RASGRF1: variants seen among roughly 807,000 people sequenced by gnomAD.
RASGRF1 encodes ras-specific guanine nucleotide-releasing factor 1.
A neutral mutation model predicts 138.7 loss-of-function variants in RASGRF1; 40 were observed. That is an observed-to-expected ratio of 0.29 (90% CI 0.22 to 0.38). RASGRF1 has a LOEUF of 0.38. RASGRF1 is among the 10% of genes least tolerant of loss of function. RASGRF1 has a pLI of 1.00. For missense variants in RASGRF1, 1,108 were observed against 1,650.4 expected (o/e 0.67, Z 5.69); for synonymous variants, 614 against 663.2 (o/e 0.93, Z 1.14).
chr15:79,084,469 A>T (rs1351759577), intron 1 of RASGRF1, among the ~76,000 whole-genome samples: 4 of 152,194 alleles, frequency 2.6e-5, no homozygotes, highest in Non-Finnish European at 5.9e-5. Flanking sequence ...CACTATTCTC[A>T]GCCAGCCTGC....
chr15:79,008,488 T>C (rs2056730153), intron 13 of RASGRF1, among the ~76,000 whole-genome samples: 1 of 152,228 alleles, frequency 6.6e-6, no homozygotes, highest in Non-Finnish European at 1.5e-5. Context: ...CCACCAAGAT[T>C]CAGGAAAGTA....
intron 12 of RASGRF1, among the ~76,000 whole-genome samples, chr15:79,016,702 G>A (rs1202975978): frequency 6.6e-6 from 1 of 152,226 alleles, no homozygotes; most frequent in African/African-American, 2.4e-5. Context: ...CACGTGCCAT[G>A]CATCATCCCA....
intron 11 of RASGRF1, 152 bp from the exon 12 acceptor site, chr15:79,018,058 C>CACTTAGGAAAA: frequency 9.6e-7 from 1 of 1,043,576 alleles, no homozygotes; most frequent in Non-Finnish European, 1.4e-6. Flanking sequence ...TATTATTTTC[C>CACTTAGGAAAA]TAAGTGGGAA....
chr15:79,006,430 C>A lies in RASGRF1; in HGVS notation c.1831G>T (p.Asp611Tyr). The A allele has an allele frequency of 1.2e-6, 2 of 1,610,454 alleles. No homozygotes were observed. Among genetic ancestry groups the A allele is most frequent in the South Asian group, 2.2e-5 (2 of 91,012 alleles). The change falls in exon 14 of 27, where the codon GAC (aspartate) becomes TAC (tyrosine). Residue 611 changes from aspartate to tyrosine, a missense_variant. This residue lies in a region of RASGRF1 where 686 missense variants were observed against 976.7 expected (regional missense o/e 0.70). Transcript: ENST00000558480. The surrounding 1 kb of genome is among the most constrained non-coding windows in gnomAD (Gnocchi z 4.0). ...KVTVPQMIKSDASLYCDDVDI... is the reference protein window; with the variant it reads ...KVTVPQMIKSYASLYCDDVDI... ...ACATCATCACAATATAAGGAGGCGT[C>A]GGACCTGAGAGGGGAGGAAGGATGC...
chr15:79,088,480 C>T (rs4778634), intron 1 of RASGRF1, among the ~76,000 whole-genome samples: 64,322 of 152,068 alleles, frequency 0.42, 13,850 homozygotes, highest in East Asian at 0.5. Context: ...GTCACACAGC[C>T]AGGAAGTCAT....
intron 16 of RASGRF1, among the ~76,000 whole-genome samples, chr15:79,000,434 G>A (rs1444072968): frequency 6.6e-6 from 1 of 152,134 alleles, no homozygotes; most frequent in East Asian, 1.9e-4. Context: ...GTGTGACCTT[G>A]GGTAAGTCAT....
At chr15:79,084,950 A>G (rs1411425262) in intron 1 of RASGRF1, among the ~76,000 whole-genome samples, 2 of 152,046 alleles carry the variant, frequency 1.3e-5, no homozygotes, top group Admixed American at 6.6e-5. Flanking sequence ...TTTTAATCGT[A>G]AAGACCCCGT....
intron 24 of RASGRF1, chr15:78,978,525 C>T (rs752422376): frequency 2.0e-5 from 20 of 985,588 alleles, no homozygotes; most frequent in South Asian, 4.7e-5. Flanking sequence ...GTGCCTAGCC[C>T]GAATTGGATA....
chr15:79,085,960 A>C (rs1175416892), intron 1 of RASGRF1, among the ~76,000 whole-genome samples: 3 of 152,196 alleles, frequency 2.0e-5, no homozygotes, highest in African/African-American at 7.2e-5. Context: ...CATAGGCGCA[A>C]GGAGCCGATA....
intron 14 of RASGRF1, chr15:79,005,073 G>T (rs2056640316): frequency 2.0e-6 from 2 of 985,450 alleles, no homozygotes; most frequent in Non-Finnish European, 1.2e-6. Context: ...CTTTTAGGGG[G>T]TAAATCCATC....
chr15:78,979,239 G>T, intron 24 of RASGRF1: 1 of 1,207,142 alleles, frequency 8.3e-7, no homozygotes, highest in Non-Finnish European at 1.1e-6. Flanking sequence ...GATGGTCAAG[G>T]CGATGGCACA....
At chr15:79,012,705 C>T (rs1030358273) in intron 13 of RASGRF1, among the ~76,000 whole-genome samples, 1 of 151,958 alleles carries the variant, frequency 6.6e-6, no homozygotes, top group African/African-American at 2.4e-5. Flanking sequence ...TTTTTTGAGA[C>T]AGAGTTTCAC....
intron 19 of RASGRF1, among the ~76,000 whole-genome samples, chr15:78,996,216 C>T (rs1192420502): frequency 2.0e-5 from 3 of 152,182 alleles, no homozygotes; most frequent in Non-Finnish European, 2.9e-5. Context: ...GAGGCAGCAG[C>T]ATGGCAGCCA....
Position 78,990,003 on chromosome 15 carries a change from A to G in RASGRF1, c.3216+186T>C, listed in dbSNP as rs538847721. 5 of 618,014 alleles carry G rather than the reference A, an allele frequency of 8.1e-6. No individual in the cohort carries two copies. The East Asian group carries it at 1.4e-4, about 17-fold the overall frequency. The allele number at this position is 618,014 out of a possible 1,614,324, so 38.3% of individuals were successfully genotyped here. ...GACTGTTCCATGGTCAGCCCCACTT[A>G]ATAGGAGAAGAGACTGAGACTGAGG... On this transcript the variant is annotated intron_variant, in intron 22 of 26. Coordinates refer to ENST00000558480, the MANE Select transcript of RASGRF1 (RefSeq NM_001145648.3).
intron 20 of RASGRF1, among the ~76,000 whole-genome samples, chr15:78,993,267 G>A (rs112844444): frequency 0.023 from 2,076 of 88,718 alleles, 14 homozygotes; most frequent in Middle Eastern, 0.034. Context: ...GTGGTGTGGT[G>A]TGTGTGGTGT....
intron 13 of RASGRF1, among the ~76,000 whole-genome samples, chr15:79,014,917 AAAAAAACAAAAAAC>A (rs765048596): frequency 5.6e-5 from 4 of 71,042 alleles, no homozygotes; most frequent in Admixed American, 1.5e-4. Context: ...ACTTGGTCTC[AAAAAAACAAAAAAC>A]AAAAAACAAA....
In RASGRF1 at chr15:78,961,379, G is replaced by A. The variant is rs2055540784; in HGVS notation, c.*765C>T. On this transcript the variant is annotated 3_prime_UTR_variant, in exon 27 of 27. Coordinates refer to ENST00000558480, the MANE Select transcript of RASGRF1 (RefSeq NM_001145648.3). Reference sequence around the variant, plus strand: ...GTGTTCCCGACTTTCAGTGGATGCTGGGCCAGTGGTCGGCAAGAGTCGACG... The same window carrying A: ...GTGTTCCCGACTTTCAGTGGATGCTAGGCCAGTGGTCGGCAAGAGTCGACG... The A allele has an allele frequency of 6.6e-6, 1 of 152,226 alleles. No homozygotes were observed. The highest frequency in any genetic ancestry group is 2.4e-5 in the African/African-American group (1 of 41,444). The allele number at this position is 152,226 out of a possible 1,614,324, so 9.4% of individuals were successfully genotyped here. A position where few individuals can be genotyped will look rare whatever the true frequency, so the allele number is the denominator to read the frequency against.
At position 78,990,641 on chromosome 15, in the gene RASGRF1, C is replaced by T. The variant is rs1166096087; in HGVS notation, c.3132-368G>A. On this transcript the variant is annotated intron_variant, in intron 21 of 26. Transcript: ENST00000558480. ...TGACAGGGAGAATTCACATTTTAGT[C>T]ACTGCAGCAGCTGGTCTGTAGGATG... Among the ~76,000 whole-genome samples the T allele has an allele frequency of 4.6e-5, 7 of 152,254 alleles. No individual in the cohort carries two copies. In the East Asian group the frequency reaches 1.4e-3, roughly 29 times the overall value.
chr15:79,024,143 GACAC>G, intron 10 of RASGRF1, among the ~76,000 whole-genome samples: 1 of 147,830 alleles, frequency 6.8e-6, no homozygotes, highest in Non-Finnish European at 1.5e-5. Flanking sequence ...ACCACACACA[GACAC>G]ACACACATAT....
Sources: allele counts gnomAD v4.1 joint callset (sites outside exome capture counted in the v4.1 genomes callset), GRCh38; gene constraint gnomAD v4.1.1; regional missense constraint gnomAD v4.1.1; non-coding constraint Gnocchi (gnomAD v3.1); transcripts MANE v1.5; gene names NCBI Gene and HGNC (gene_info 2026-07-23, HGNC 2026-07-21).